Variants in PCDH15 observed in about 807,000 individuals in gnomAD.
The protein encoded by PCDH15 is protocadherin related 15, also known as protocadherin-15.
In PCDH15, 129 loss-of-function variants were observed where a neutral mutation model predicts 178.5. The observed-to-expected ratio is 0.72, with a 90% CI of 0.63 to 0.84. The LOEUF is 0.84. Ranked by LOEUF, PCDH15 falls within the 40% of genes least tolerant of loss-of-function variation. The pLI is 0.00. For synonymous variants in PCDH15, 800 were observed against 732.0 expected (o/e 1.09, Z -1.50); for missense variants, 2,230 against 2,099.9 (o/e 1.06, Z -1.21).
At chr10:55,270,476 G>A (rs1367222720) in intron 1 of PCDH15, among the ~76,000 whole-genome samples, 1 of 151,622 alleles carries the variant, frequency 6.6e-6, no homozygotes, top group Non-Finnish European at 1.5e-5. Flanking sequence ...TAAAAAATGG[G>A]CAAAGGATAT....
At chr10:55,251,332 C>A (rs1167581780) in intron 1 of PCDH15, among the ~76,000 whole-genome samples, 1 of 152,044 alleles carries the variant, frequency 6.6e-6, no homozygotes, top group Non-Finnish European at 1.5e-5. Context: ...GTAACTACAT[C>A]CACATCACTG....
At chr10:54,981,990 A>G (rs1418365924) in intron 2 of PCDH15, among the ~76,000 whole-genome samples, 1 of 151,548 alleles carries the variant, frequency 6.6e-6, no homozygotes, top group African/African-American at 2.4e-5. Flanking sequence ...GGCTCTTCTC[A>G]AACTTCTAGG....
At chr10:54,911,921 A>G (rs1954825719) in intron 2 of PCDH15, among the ~76,000 whole-genome samples, 1 of 152,212 alleles carries the variant, frequency 6.6e-6, no homozygotes, top group African/African-American at 2.4e-5. Context: ...ACCCAGTCTC[A>G]AGTAGTATCT....
intron 1 of PCDH15, among the ~76,000 whole-genome samples, chr10:54,714,390 G>T (rs959100814): frequency 6.6e-6 from 1 of 152,098 alleles, no homozygotes; most frequent in African/African-American, 2.4e-5. Flanking sequence ...TTTGTGTCCA[G>T]TCGCAATGTA....
At chr10:54,353,604 A>G (rs934983724) in intron 5 of PCDH15, among the ~76,000 whole-genome samples, 3 of 152,130 alleles carry the variant, frequency 2.0e-5, no homozygotes, top group Non-Finnish European at 2.9e-5. Flanking sequence ...TTGGACTTCA[A>G]TAGAGTGTGT....
chr10:55,073,324 T>C (rs962005222), intron 2 of PCDH15, among the ~76,000 whole-genome samples: 10 of 152,042 alleles, frequency 6.6e-5, no homozygotes, highest in Non-Finnish European at 1.5e-4. Context: ...TGTTTGCAGA[T>C]GACATGATTG....
At chr10:54,104,654 A>G (rs10825230) in intron 15 of PCDH15, among the ~76,000 whole-genome samples, 90,235 of 151,346 alleles carry the variant, frequency 0.6, 27,781 homozygotes, top group Middle Eastern at 0.68. Flanking sequence ...TGGTTGATAC[A>G]GTGAAACCCC....
chr10:54,012,644 C>T (rs2092625088), intron 20 of PCDH15, among the ~76,000 whole-genome samples: 1 of 152,132 alleles, frequency 6.6e-6, no homozygotes, highest in Admixed American at 6.5e-5. Context: ...CTATGTTCAG[C>T]ATTCTTAAAT....
intron 15 of PCDH15, among the ~76,000 whole-genome samples, chr10:54,116,345 G>C (rs1382268391): frequency 1.3e-5 from 2 of 151,952 alleles, no homozygotes; most frequent in African/African-American, 2.4e-5. Flanking sequence ...ACTTTCTTCA[G>C]GCCAGTATAA....
chr10:54,726,065 A>T (rs1226049444), intron 1 of PCDH15, among the ~76,000 whole-genome samples: 3 of 151,528 alleles, frequency 2.0e-5, no homozygotes, highest in Admixed American at 6.6e-5. Flanking sequence ...AGATCAGAAT[A>T]TAGAATAAGA....
At chr10:53,855,906 A>G (rs1006756219) in intron 28 of PCDH15, among the ~76,000 whole-genome samples, 7 of 138,034 alleles carry the variant, frequency 5.1e-5, no homozygotes, top group African/African-American at 1.4e-4. Flanking sequence ...GGTGATATGT[A>G]TATATATATA....
chr10:55,053,487 G>A (rs1841216739), intron 2 of PCDH15, among the ~76,000 whole-genome samples: 1 of 152,158 alleles, frequency 6.6e-6, no homozygotes, highest in South Asian at 2.1e-4. Context: ...AGGGACAAAA[G>A]TGTCTTTATT....
intron 3 of PCDH15, among the ~76,000 whole-genome samples, chr10:54,818,532 C>G (rs946227948): frequency 1.3e-5 from 2 of 152,056 alleles, no homozygotes; most frequent in Non-Finnish European, 2.9e-5. Context: ...TATCTTCCAT[C>G]TGGTTCTCTT....
intron 1 of PCDH15, 58 bp from the exon 2 acceptor site, chr10:54,664,348 A>C: frequency 9.3e-7 from 1 of 1,073,846 alleles, no homozygotes; most frequent in Non-Finnish European, 1.4e-6. Flanking sequence ...TGTTATAGGT[A>C]AACACAATTG....
At chr10:54,117,828 G>A (rs1034689199) in intron 15 of PCDH15, among the ~76,000 whole-genome samples, 2 of 152,108 alleles carry the variant, frequency 1.3e-5, no homozygotes, top group African/African-American at 4.8e-5. Context: ...CTGCAGGCAA[G>A]TTGTTATGTC....
intron 25 of PCDH15, among the ~76,000 whole-genome samples, chr10:53,932,868 A>G (rs1026123324): frequency 6.6e-6 from 1 of 152,128 alleles, no homozygotes; most frequent in African/African-American, 2.4e-5. Flanking sequence ...ATGGGAGATC[A>G]GTCTCATGGA....
intron 3 of PCDH15, among the ~76,000 whole-genome samples, chr10:54,464,574 A>G (rs2077399832): frequency 6.6e-6 from 1 of 152,176 alleles, no homozygotes; most frequent in Admixed American, 6.6e-5. Flanking sequence ...TGTCTCCCCT[A>G]GACAAAATCT....
chr10:53,992,494 G>A (rs757596304), intron 21 of PCDH15, among the ~76,000 whole-genome samples: 8 of 152,138 alleles, frequency 5.3e-5, no homozygotes, highest in Non-Finnish European at 1.2e-4. Flanking sequence ...ACTTGTTGGA[G>A]ATGAAGTGAA....
intron 2 of PCDH15, among the ~76,000 whole-genome samples, chr10:55,068,369 A>G (rs758436832): frequency 1.1e-4 from 17 of 152,100 alleles, no homozygotes; most frequent in Non-Finnish European, 2.4e-4. Flanking sequence ...TCCTTTCCCC[A>G]GTGAATTTTC....
Sources: allele counts gnomAD v4.1 joint callset (sites outside exome capture counted in the v4.1 genomes callset), GRCh38; gene constraint gnomAD v4.1.1; transcripts MANE v1.5; gene names NCBI Gene and HGNC (gene_info 2026-07-23, HGNC 2026-07-21).